The following PCDHGB3 variants were observed in gnomAD, a reference collection of about 807,000 sequenced individuals.
PCDHGB3 encodes the protein protocadherin gamma-B3.
In PCDHGB3, 40 loss-of-function variants were observed where a neutral mutation model predicts 59.2. That is an observed-to-expected ratio of 0.68 (90% confidence interval 0.52 to 0.88). The LOEUF (loss-of-function observed/expected upper bound fraction) is 0.88, where lower values mean the gene tolerates loss of function less well. Among genes scored for constraint, PCDHGB3 ranks in the 40% least tolerant of loss-of-function variants. The probability of loss-of-function intolerance (pLI) is 0.00; values close to 1 mark genes in which losing one functional copy is unlikely to be tolerated. For synonymous variants in PCDHGB3, 581 were observed against 503.6 expected (o/e 1.15, Z -2.06); for missense variants, 1,309 against 1,187.9 (o/e 1.10, Z -1.50).
At chr5:141,375,830 G>C in intron 1 of PCDHGB3, 1 of 1,614,152 alleles carries the variant, frequency 6.2e-7, no homozygotes, top group South Asian at 1.1e-5. Context: ...CCGCTCCGCA[G>C]AGCCCGGCTA....
Position 141,394,271 on chromosome 5 carries a change from G to C in PCDHGB3, c.2415+21462G>C, listed in dbSNP as rs768847661. The stretch of plus-strand genomic sequence containing the variant: ...ACCCCGACAGCCAGGAGAATGCCCA[G>C]GTCACTTACTCTGTGACCGAGGACA... On this transcript the variant is annotated intron_variant, in intron 1 of 3. Transcript: ENST00000576222. 9 of 1,613,862 alleles carry C rather than the reference G, an allele frequency of 5.6e-6. No individual in the cohort carries two copies. In the South Asian group the frequency reaches 9.9e-5, roughly 18 times the overall value.
At position 141,432,195 on chromosome 5, in the gene PCDHGB3, C is replaced by G; in HGVS notation, c.2415+59386C>G. 1 of 1,614,206 alleles carries G rather than the reference C, an allele frequency of 6.2e-7. No individual in the cohort carries two copies. The highest frequency in any genetic ancestry group is 8.5e-7 in the Non-Finnish European group (1 of 1,180,050). On this transcript the variant is annotated intron_variant, in intron 1 of 3. Transcript: ENST00000576222. The surrounding 1 kb of genome is among the most constrained non-coding windows in gnomAD (Gnocchi z 6.0). ...CTCGTCTCTGTGACCGCCCACGACC[C>G]CGACTGTGAAGAGAACGCCCAGATC...
intron 1 of PCDHGB3, chr5:141,426,194 T>C (rs1482565872): frequency 6.4e-6 from 1 of 155,380 alleles, no homozygotes; most frequent in Non-Finnish European, 1.4e-5. Context: ...ACTGGGAGCA[T>C]TGAGTTTTCT....
chr5:141,433,220 T>A (rs781745522), intron 1 of PCDHGB3: 2 of 1,509,720 alleles, frequency 1.3e-6, no homozygotes, highest in Non-Finnish European at 1.8e-6. Flanking sequence ...TTTTTTTTTT[T>A]AATTGCTCTG....
intron 1 of PCDHGB3, chr5:141,427,790 C>A: frequency 1.3e-6 from 2 of 1,482,222 alleles, no homozygotes; most frequent in Non-Finnish European, 1.9e-6. Context: ...TGTCGTCCTA[C>A]GTGTCCGTGA....
In PCDHGB3 at chr5:141,476,836, T is replaced by C. The variant is rs772607917; in HGVS notation, c.2416-17971T>C. On this transcript the variant is annotated intron_variant, in intron 1 of 3. Coordinates refer to ENST00000576222, the MANE Select transcript of PCDHGB3 (RefSeq NM_018924.5). The surrounding 1 kb of genome is among the most constrained non-coding windows in gnomAD (Gnocchi z 7.6). ...TCAAGGTGCTGGACGCGAATGACAATGCGCCTGTCTTCAACCAGTCCTTGT... is the reference window on the plus strand; with the variant it reads ...TCAAGGTGCTGGACGCGAATGACAACGCGCCTGTCTTCAACCAGTCCTTGT... 1.9e-6 allele frequency: 3 copies of C among 1,613,652 alleles called. 1 individual carries two copies. The highest frequency in any genetic ancestry group is 2.2e-5 in the East Asian group (1 of 44,852).
intron 1 of PCDHGB3, chr5:141,399,623 C>A: frequency 6.2e-7 from 1 of 1,613,920 alleles, no homozygotes; most frequent in South Asian, 1.1e-5. Context: ...GCACTGGCCT[C>A]TTACGTGTCC....
chr5:141,380,966 T>C (rs890558911), intron 1 of PCDHGB3, among the ~76,000 whole-genome samples: 1 of 152,240 alleles, frequency 6.6e-6, no homozygotes, highest in East Asian at 1.9e-4. Flanking sequence ...AAAAGTACTA[T>C]TAAACAAATA....
intron 1 of PCDHGB3, chr5:141,410,939 C>T (rs960754863): frequency 5.1e-5 from 10 of 195,446 alleles, no homozygotes; most frequent in South Asian, 1.1e-4. Flanking sequence ...CTGCAACCTC[C>T]GCCTTCTGGG....
rs375228847 is a variant in PCDHGB3, at chr5:141,431,219, C to G, written c.2415+58410C>G. ...TGCAGCCACTGAGATGCGGTTCCCTCTACCCCACGCCTGGGATCCGGATAT... is the reference window on the plus strand; with the variant it reads ...TGCAGCCACTGAGATGCGGTTCCCTGTACCCCACGCCTGGGATCCGGATAT... On this transcript the variant is annotated intron_variant, in intron 1 of 3. Coordinates refer to ENST00000576222, the MANE Select transcript of PCDHGB3 (RefSeq NM_018924.5). This position sits in a 1 kb window ranked among gnomAD's most constrained non-coding sequence, Gnocchi z 4.8. 2.5e-6 allele frequency: 4 copies of G among 1,614,180 alleles called. No individual in the cohort carries two copies. The highest frequency in any genetic ancestry group is 1.6e-4 in the Middle Eastern group (1 of 6,062).
At chr5:141,454,838 C>T (rs1472341694) in intron 1 of PCDHGB3, among the ~76,000 whole-genome samples, 7 of 100,814 alleles carry the variant, frequency 6.9e-5, no homozygotes, top group Non-Finnish European at 1.1e-4. Flanking sequence ...GACAGAGTCG[C>T]GCTCTGTCAC....
At chr5:141,384,593 C>A (rs1449911634) in intron 1 of PCDHGB3, 3 of 1,614,252 alleles carry the variant, frequency 1.9e-6, no homozygotes, top group South Asian at 1.1e-5. Context: ...ATCCTGTACC[C>A]GGCCCTCCCC....
intron 1 of PCDHGB3, chr5:141,409,175 G>T: frequency 6.2e-7 from 1 of 1,614,008 alleles, no homozygotes; most frequent in Non-Finnish European, 8.5e-7. Flanking sequence ...GAAGGACGGA[G>T]GTGGTCTCTC....
chr5:141,413,756 A>G, intron 1 of PCDHGB3: 1 of 1,613,042 alleles, frequency 6.2e-7, no homozygotes, highest in South Asian at 1.1e-5. Context: ...AATGGCGTCA[A>G]GTACCCGGAG....
At chr5:141,500,182 ATT>A (rs1199992745) in intron 2 of PCDHGB3, among the ~76,000 whole-genome samples, 2 of 131,622 alleles carry the variant, frequency 1.5e-5, no homozygotes, top group African/African-American at 3.1e-5. Flanking sequence ...CTTCATTTTT[ATT>A]TTTATTTATT....
At chr5:141,459,236 G>A (rs1248794102) in intron 1 of PCDHGB3, among the ~76,000 whole-genome samples, 2 of 152,176 alleles carry the variant, frequency 1.3e-5, no homozygotes, top group African/African-American at 2.4e-5. Context: ...CAACTGGTCT[G>A]CTTCCTGTCA....
rs749095017 is a variant in PCDHGB3, at chr5:141,489,455, G to A, written c.2416-5352G>A. 1 of 1,614,042 alleles carries A rather than the reference G, an allele frequency of 6.2e-7. No homozygotes were observed. ...CTGCAATTGGGCTCTGAGGAGAATGGGCGCTATTTTTCCCTGAGCTTGATG... is the reference window on the plus strand; with the variant it reads ...CTGCAATTGGGCTCTGAGGAGAATGAGCGCTATTTTTCCCTGAGCTTGATG... On this transcript the variant is annotated intron_variant, in intron 1 of 3. Coordinates refer to ENST00000576222, the MANE Select transcript of PCDHGB3 (RefSeq NM_018924.5). This position sits in a 1 kb window ranked among gnomAD's most constrained non-coding sequence, Gnocchi z 4.5.
At chr5:141,507,858 AC>A (rs2099864314) in intron 3 of PCDHGB3, among the ~76,000 whole-genome samples, 1 of 151,748 alleles carries the variant, frequency 6.6e-6, no homozygotes, top group African/African-American at 2.4e-5. Flanking sequence ...TCACTTTCAC[AC>A]CCGCTTCCTA....
rs1424221139 is a variant in PCDHGB3, at chr5:141,491,867, T to G, written c.2416-2940T>G. On this transcript the variant is annotated intron_variant, in intron 1 of 3. Coordinates refer to ENST00000576222, the MANE Select transcript of PCDHGB3 (RefSeq NM_018924.5). The surrounding 1 kb of genome is among the most constrained non-coding windows in gnomAD (Gnocchi z 6.9). ...TTGGACCGTTTGCGCGAAACCAGAG[T>G]GGCCGATTAAGGGATGGGGCTCCGA... 2 of 1,452,218 alleles carry G rather than the reference T, an allele frequency of 1.4e-6. No homozygotes were observed. The highest frequency in any genetic ancestry group is 1.8e-6 in the Non-Finnish European group (2 of 1,099,056). 90.0% of individuals were successfully genotyped at this position (1,452,218 alleles called of 1,614,324 possible).
Sources: allele counts gnomAD v4.1 joint callset (sites outside exome capture counted in the v4.1 genomes callset), GRCh38; gene constraint gnomAD v4.1.1; non-coding constraint Gnocchi (gnomAD v3.1); transcripts MANE v1.5; gene names NCBI Gene and HGNC (gene_info 2026-07-23, HGNC 2026-07-21).